Variants in CASD1 observed in about 807,000 individuals in gnomAD.
CASD1 encodes the protein N-acetylneuraminate (7)9-O-acetyltransferase.
Under a neutral mutation model 100.0 loss-of-function variants are expected in CASD1, and 41 were observed. The ratio of observed to expected loss-of-function variants is 0.41; its 90% confidence interval spans 0.32 to 0.53. The LOEUF (loss-of-function observed/expected upper bound fraction) is 0.53. CASD1 is among the 20% of genes least tolerant of loss of function. The pLI is 0.25. For missense variants in CASD1, 774 were observed against 948.7 expected (o/e 0.82, Z 2.42); for synonymous variants, 321 against 315.6 (o/e 1.02, Z -0.18).
At chr7:94,516,027 CTTAG>C (rs896464508) in intron 1 of CASD1, among the ~76,000 whole-genome samples, 13 of 151,658 alleles carry the variant, frequency 8.6e-5, no homozygotes, top group Non-Finnish European at 1.9e-4. Flanking sequence ...TTTACTCATC[CTTAG>C]TTATTTATGT....
intron 16 of CASD1, chr7:94,554,041 G>A (rs775780827): frequency 3.9e-5 from 6 of 153,306 alleles, no homozygotes; most frequent in South Asian, 2.0e-4. Context: ...GCCATTTCCC[G>A]TACTATCATG....
intron 3 of CASD1, among the ~76,000 whole-genome samples, chr7:94,519,825 AG>A (rs1304903587): frequency 6.6e-6 from 1 of 152,248 alleles, no homozygotes; most frequent in African/African-American, 2.4e-5. Context: ...ACTTTTAAAA[AG>A]TAGAGAGATT....
chr7:94,630,615 C>G, the CASD1 span, among the ~76,000 whole-genome samples: 1 of 151,652 alleles, frequency 6.6e-6, no homozygotes, highest in African/African-American at 2.4e-5. Flanking sequence ...TTAAAATGAC[C>G]AATTGTTTTG....
intron 9 of CASD1, among the ~76,000 whole-genome samples, chr7:94,538,127 C>G (rs944936231): frequency 6.6e-6 from 1 of 152,026 alleles, no homozygotes; most frequent in African/African-American, 2.4e-5. Flanking sequence ...GGAAATATGA[C>G]CTGTGAAAAA....
the CASD1 span, among the ~76,000 whole-genome samples, chr7:94,565,848 A>G: frequency 1.3e-5 from 2 of 152,224 alleles, no homozygotes; most frequent in African/African-American, 4.8e-5. Context: ...ACATTTGCTA[A>G]GGAAAATACT....
chr7:94,604,851 A>ATATATATT, the CASD1 span, among the ~76,000 whole-genome samples: 1 of 102,510 alleles, frequency 9.8e-6, no homozygotes, highest in East Asian at 3.1e-4. Flanking sequence ...ATATATATAT[A>ATATATATT]TATATATAAT....
chr7:94,604,215 C>T, the CASD1 span, among the ~76,000 whole-genome samples: 3 of 152,056 alleles, frequency 2.0e-5, no homozygotes, highest in Non-Finnish European at 2.9e-5. Context: ...ATAGGAATCT[C>T]ATTGGCCTTT....
At chr7:94,528,954 T>A (rs1322359177) in intron 5 of CASD1, among the ~76,000 whole-genome samples, 2 of 151,992 alleles carry the variant, frequency 1.3e-5, no homozygotes. Context: ...GGTTTGGGAT[T>A]TTTTTTTCTT....
chr7:94,589,504 A>AC, the CASD1 span: 1 of 152,314 alleles, frequency 6.6e-6, no homozygotes, highest in Non-Finnish European at 1.5e-5. Context: ...GGGGTCCCCA[A>AC]CCCCTGGGAC....
chr7:94,516,640 C>T (rs887259284), intron 1 of CASD1, among the ~76,000 whole-genome samples: 1 of 152,010 alleles, frequency 6.6e-6, no homozygotes, highest in Non-Finnish European at 1.5e-5. Context: ...CACCCCCAAC[C>T]CACCCCATTC....
At chr7:94,552,324 A>T in intron 15 of CASD1, 26 bp from the exon 16 acceptor site, 1 of 1,577,984 alleles carries the variant, frequency 6.3e-7, no homozygotes, top group Non-Finnish European at 8.7e-7. Flanking sequence ...GCTTTTTTGA[A>T]CTTTTCCATA....
intron 14 of CASD1, among the ~76,000 whole-genome samples, chr7:94,550,821 A>G (rs777394925): frequency 7.2e-5 from 11 of 152,134 alleles, no homozygotes; most frequent in African/African-American, 1.2e-4. Flanking sequence ...TGTTCAGTCT[A>G]TTGCAATGAT....
At chr7:94,587,679 A>G in the CASD1 span, 8 of 1,527,742 alleles carry the variant, frequency 5.2e-6, no homozygotes, top group Non-Finnish European at 7.0e-6. Context: ...TTGTTGAAAC[A>G]TGTTAGCATT....
intron 16 of CASD1, 49 bp from the exon 17 acceptor site, chr7:94,554,434 C>A: frequency 8.1e-7 from 1 of 1,231,396 alleles, no homozygotes; most frequent in Non-Finnish European, 1.2e-6. Context: ...ATACAAAATA[C>A]TTTTCAATAA....
chr7:94,561,808 T>A (rs1040249663), downstream of CASD1, among the ~76,000 whole-genome samples: 4 of 152,162 alleles, frequency 2.6e-5, no homozygotes, highest in Non-Finnish European at 4.4e-5. Context: ...TGAGTTTGAC[T>A]GTGGTTAACA....
At position 94,523,946 on chromosome 7, in the gene CASD1, A is replaced by G. The variant is rs1308222534; in HGVS notation, c.352-3216A>G. On this transcript the variant is annotated intron_variant, in intron 3 of 17. Transcript: ENST00000297273. The stretch of plus-strand genomic sequence containing the variant: ...AATGCCATTGATGATCTCTAGGGAA[A>G]GGAAGGTCTGTTCAGTTAATTGTGC... Among the ~76,000 whole-genome samples, 4 of 152,166 alleles carry G rather than the reference A, an allele frequency of 2.6e-5. No individual in the cohort carries two copies. In the East Asian group the frequency reaches 5.8e-4, roughly 22 times the overall value.
the CASD1 span, among the ~76,000 whole-genome samples, chr7:94,591,905 T>C: frequency 6.6e-6 from 1 of 152,316 alleles, no homozygotes. Context: ...AAAGTATCCA[T>C]AGTGGGTGTT....
rs960219760 is a variant in CASD1, at chr7:94,533,049, A to G, written c.460-156A>G. 6.6e-5 allele frequency among the ~76,000 whole-genome samples: 10 copies of G among 152,186 alleles called. No homozygotes were observed. In the South Asian group the frequency reaches 1.9e-3, roughly 28 times the overall value. ...TTGGATATCCTAAATCTGTCTTGTT[A>G]TAACAATAATAAGCAATAATAATAA... On this transcript the variant is annotated intron_variant, in intron 5 of 17. Coordinates refer to ENST00000297273, the MANE Select transcript of CASD1 (RefSeq NM_022900.5).
intron 13 of CASD1, among the ~76,000 whole-genome samples, chr7:94,548,672 A>G (rs1163390294): frequency 6.6e-6 from 1 of 151,898 alleles, no homozygotes; most frequent in East Asian, 1.9e-4. Context: ...AAAATATAAT[A>G]TTATTTTCAT....
Sources: gnomAD v4.1 joint callset for allele counts (sites outside exome capture counted in the v4.1 genomes callset) on GRCh38, gnomAD v4.1.1 for gene constraint, MANE v1.5 for transcripts, NCBI Gene and HGNC (gene_info 2026-07-23, HGNC 2026-07-21) for gene names.